Variants in LEPR observed in about 807,000 individuals in gnomAD.
The protein encoded by LEPR is leptin receptor.
In LEPR, 56 loss-of-function variants were observed where a neutral mutation model predicts 114.7. The ratio of observed to expected loss-of-function variants is 0.49; its 90% CI spans 0.39 to 0.61. LEPR has a LOEUF of 0.61. Among genes scored for constraint, LEPR ranks in the 20% least tolerant of loss-of-function variants. LEPR has a pLI of 0.00. For synonymous variants in LEPR, 443 were observed against 461.4 expected, an observed-to-expected ratio of 0.96 and a Z score of 0.51; for missense variants, 1,202 against 1,352.9, an observed-to-expected ratio of 0.89 and a Z score of 1.75.
At chr1:65,518,873 T>TTCTTTCTTTCTTTCTTTCTTTC (rs763024512) in intron 2 of LEPR, among the ~76,000 whole-genome samples, 3 of 117,216 alleles carry the variant, frequency 2.6e-5, no homozygotes, top group African/African-American at 1.0e-4. Context: ...CTTTCTTTCT[T>TTCTTTCTTTCTTTCTTTCTTTC]TTTCTTTCTT....
At chr1:65,422,941 G>A (rs1381434028) in intron 1 of LEPR, among the ~76,000 whole-genome samples, 1 of 152,108 alleles carries the variant, frequency 6.6e-6, no homozygotes, top group African/African-American at 2.4e-5. Context: ...GAGTCACAGA[G>A]GCAGGAATAA....
chr1:65,602,085 G>T (rs1656478611), intron 10 of LEPR, 125 bp downstream of exon 10: 1 of 873,730 alleles, frequency 1.1e-6, no homozygotes, highest in East Asian at 2.4e-5. Context: ...ATAATATAAT[G>T]AATCAGGAAA....
intron 2 of LEPR, 114 bp downstream of exon 2, chr1:65,425,492 G>A (rs1384323396): frequency 1.2e-6 from 1 of 807,846 alleles, no homozygotes. Flanking sequence ...TGAGTTAGTG[G>A]AGCCCAGTTT....
chr1:65,438,767 G>C (rs1320138696), intron 2 of LEPR, among the ~76,000 whole-genome samples: 1 of 151,888 alleles, frequency 6.6e-6, no homozygotes, highest in East Asian at 1.9e-4. Flanking sequence ...CATGCAGGTT[G>C]GAAACTGCTG....
intron 2 of LEPR, among the ~76,000 whole-genome samples, chr1:65,502,994 G>T (rs908868969): frequency 4.6e-5 from 7 of 151,690 alleles, no homozygotes; most frequent in African/African-American, 1.7e-4. Context: ...TATGGATGAG[G>T]GAGGGAGAGA....
intron 2 of LEPR, among the ~76,000 whole-genome samples, chr1:65,492,899 G>A (rs908543649): frequency 1.3e-5 from 2 of 151,272 alleles, no homozygotes; most frequent in Admixed American, 1.3e-4. Flanking sequence ...TGTGCAGGAC[G>A]TGCAGTTTTG....
At chr1:65,434,468 A>G in intron 2 of LEPR, 1 of 985,434 alleles carries the variant, frequency 1.0e-6, no homozygotes, top group Non-Finnish European at 1.2e-6. Context: ...GGTTACAAGC[A>G]GACTTTGAGA....
intron 2 of LEPR, among the ~76,000 whole-genome samples, chr1:65,466,200 A>G (rs1324583369): frequency 6.6e-6 from 1 of 152,012 alleles, no homozygotes; most frequent in Admixed American, 6.6e-5. Flanking sequence ...TTCCTTCAAG[A>G]GCTCTTGTAA....
intron 2 of LEPR, among the ~76,000 whole-genome samples, chr1:65,467,767 C>G (rs1647033631): frequency 1.3e-5 from 2 of 152,208 alleles, no homozygotes; most frequent in Admixed American, 1.3e-4. Context: ...GCTCCTCCCC[C>G]AGTCAAGCTG....
At chr1:65,535,298 A>G (rs143288541) in intron 2 of LEPR, among the ~76,000 whole-genome samples, 1,992 of 150,868 alleles carry the variant, frequency 0.013, 22 homozygotes, top group Middle Eastern at 0.027. Flanking sequence ...GTAGCTGGGT[A>G]TCTAGTGTGG....
chr1:65,447,527 TTC>T (rs869091740), intron 2 of LEPR, among the ~76,000 whole-genome samples: 6 of 114,472 alleles, frequency 5.2e-5, no homozygotes, highest in Non-Finnish European at 8.5e-5. Flanking sequence ...ATTGTGATTT[TTC>T]TTTTCTTTTT....
Position 65,601,979 on chromosome 1 carries a change from G to C in LEPR, c.1403+19G>C, listed in dbSNP as rs760708490. On this transcript the variant is annotated intron_variant, in intron 10 of 19. Transcript: ENST00000349533. ...ATCATAGGTACGTATTATTTTTGCT[G>C]TTTTGTTTTTCTGTGGGCACAGTGA... 2 of 1,603,602 alleles carry C rather than the reference G, an allele frequency of 1.2e-6. No homozygotes were observed. The highest frequency in any genetic ancestry group is 3.3e-5 in the Admixed American group (2 of 59,986).
intron 11 of LEPR, 115 bp from the exon 12 acceptor site, chr1:65,608,638 G>A (rs1570807170): frequency 8.5e-7 from 1 of 1,176,988 alleles, no homozygotes; most frequent in Middle Eastern, 2.8e-4. Flanking sequence ...GAGTGAGAAA[G>A]TTATGAAGAA....
chr1:65,603,869 T>G (rs949554551), intron 10 of LEPR, among the ~76,000 whole-genome samples: 3 of 152,068 alleles, frequency 2.0e-5, no homozygotes, highest in African/African-American at 7.2e-5. Flanking sequence ...TTTTTTAAAT[T>G]TTCTTTTCTG....
In LEPR at chr1:65,636,776, A is replaced by AAG. The variant is rs1553174844; in HGVS notation, c.3268_3269dup (p.Ser1090ArgfsTer6). 6.2e-7 allele frequency: 1 copy of AAG among 1,614,042 alleles called. No individual in the cohort carries two copies. Among genetic ancestry groups the AAG allele is most frequent in the Non-Finnish European group, 8.5e-7 (1 of 1,179,988 alleles). On this transcript the variant is annotated frameshift_variant, in exon 20 of 20. Coordinates refer to ENST00000349533, the MANE Select transcript of LEPR (RefSeq NM_002303.6). LOFTEE classifies it high-confidence loss of function. Reference sequence around the variant, plus strand: ...TTATTTAGGGGTCACCTCAATCAAAAAGAGAGAGAGTGGTGTGCTTTTGAC... The same window carrying AAG: ...TTATTTAGGGGTCACCTCAATCAAAAAGAGAGAGAGAGTGGTGTGCTTTTGAC...
intron 2 of LEPR, among the ~76,000 whole-genome samples, chr1:65,439,084 C>G (rs1009019067): frequency 2.0e-5 from 3 of 152,164 alleles, no homozygotes; most frequent in Non-Finnish European, 4.4e-5. Context: ...GTTCTTGTCA[C>G]CATTTCAGGG....
At position 65,619,710 on chromosome 1, in the gene LEPR, A is replaced by G. The variant is rs188585106; in HGVS notation, c.2396-218A>G. 1.4e-3 allele frequency among the ~76,000 whole-genome samples: 217 copies of G among 152,274 alleles called. 2 individuals are homozygous for G. Among genetic ancestry groups the G allele is most frequent in the Non-Finnish European group, 3.7e-4 (25 of 68,012 alleles). ...TTGCAATCTTCTGTCTCTGGCTAAGATTTTTAGAAAAATATTTGGAAAACT... is the reference window on the plus strand; with the variant it reads ...TTGCAATCTTCTGTCTCTGGCTAAGGTTTTTAGAAAAATATTTGGAAAACT... On this transcript the variant is annotated intron_variant, in intron 16 of 19. Transcript: ENST00000349533.
chr1:65,429,181 C>T (rs558165347), intron 2 of LEPR, among the ~76,000 whole-genome samples: 1 of 152,154 alleles, frequency 6.6e-6, no homozygotes, highest in Non-Finnish European at 1.5e-5. Flanking sequence ...GAAAGTTCTG[C>T]TTTTAGAAAG....
chr1:65,425,551 G>A (rs192218234), intron 2 of LEPR, among the ~76,000 whole-genome samples, 173 bp downstream of exon 2: 28 of 152,302 alleles, frequency 1.8e-4, no homozygotes, highest in African/African-American at 6.7e-4. Flanking sequence ...AGAGGGCTCT[G>A]TTAAAAATTG....
Sources: allele counts gnomAD v4.1 joint callset (sites outside exome capture counted in the v4.1 genomes callset), GRCh38; gene constraint gnomAD v4.1.1; transcripts MANE v1.5; gene names NCBI Gene and HGNC (gene_info 2026-07-23, HGNC 2026-07-21).